The following CEP97 variants were observed in gnomAD, a reference collection of about 807,000 sequenced individuals.
CEP97 encodes the protein centrosomal protein 97.
In CEP97, 43 loss-of-function variants were observed where a neutral mutation model predicts 73.1. That is an observed-to-expected ratio of 0.59 (90% CI 0.46 to 0.76). The LOEUF (loss-of-function observed/expected upper bound fraction) is 0.76, where lower values mean the gene tolerates loss of function less well. Ranked by LOEUF, CEP97 falls within the 30% of genes least tolerant of loss-of-function variation. The probability of loss-of-function intolerance (pLI) is 0.00; values close to 1 mark genes in which losing one functional copy is unlikely to be tolerated. For missense variants in CEP97, 939 were observed against 1,014.0 expected, an observed-to-expected ratio of 0.93 and a Z score of 1.00; for synonymous variants, 337 against 370.0, an observed-to-expected ratio of 0.91 and a Z score of 1.02.
intron 6 of CEP97, 39 bp from the exon 7 acceptor site, chr3:101,755,391 C>G (rs1560018585): frequency 1.3e-6 from 2 of 1,585,860 alleles, no homozygotes; most frequent in Middle Eastern, 1.7e-4. Context: ...GTTGACTATT[C>G]TCATGCCATC....
chr3:101,760,743 G>A (rs556819471), intron 9 of CEP97, among the ~76,000 whole-genome samples: 1 of 152,142 alleles, frequency 6.6e-6, no homozygotes, highest in African/African-American at 2.4e-5. Context: ...TGAAGTCTAT[G>A]TTGCCCATCT....
Position 101,765,278 on chromosome 3 carries a change from T to G in CEP97, c.2325T>G (p.Tyr775Ter). Residue 775 changes from tyrosine (Y) to a stop codon, truncating the protein, a stop_gained, in exon 11 of 11, where the codon TAT (tyrosine) becomes TAG (stop). Transcript: ENST00000341893. LOFTEE classifies it low-confidence loss of function (END_TRUNC). ...NEQDNSLLEQ[Y>*]LTSVQQLEDA... ...AGGACAATAGTCTGCTTGAACAGTA[T>G]TTAACTTCAGTTCAACAGCTGGAAG... The G allele has an allele frequency of 6.2e-7, 1 of 1,614,174 alleles. No individual in the cohort carries two copies. The highest frequency in any genetic ancestry group is 1.1e-5 in the South Asian group (1 of 91,074).
At chr3:101,758,472 T>A in intron 9 of CEP97, 49 bp downstream of exon 9, 1 of 1,590,780 alleles carries the variant, frequency 6.3e-7, no homozygotes, top group Admixed American at 1.7e-5. Flanking sequence ...TTGAGGGTGT[T>A]AGATTCTTAT....
intron 10 of CEP97, chr3:101,763,240 G>GA (rs1266211855): frequency 2.5e-6 from 3 of 1,183,880 alleles, no homozygotes; most frequent in South Asian, 3.1e-5. Context: ...CCTATAAAAT[G>GA]AAAAAATAAT....
At chr3:101,755,143 T>C (rs964712938) in intron 6 of CEP97, among the ~76,000 whole-genome samples, 1 of 152,104 alleles carries the variant, frequency 6.6e-6, no homozygotes, top group African/African-American at 2.4e-5. Context: ...ACAGAATGAA[T>C]GGGGAGAATA....
rs1939315401 is a variant in CEP97, at chr3:101,766,247, A to G, written c.*696A>G. On this transcript the variant is annotated 3_prime_UTR_variant, in exon 11 of 11. Transcript: ENST00000341893. ...GGATTAAAGTCAAGTTTACTTAGGC[A>G]ACACAAGAATATTTCACTTAGATAT... The G allele has an allele frequency of 6.6e-6, 1 of 152,262 alleles. No homozygotes were observed. The highest frequency in any genetic ancestry group is 6.5e-5 in the Admixed American group (1 of 15,288). The allele number at this position is 152,262 out of a possible 1,614,324, so 9.4% of individuals were successfully genotyped here.
chr3:101,724,823 C>A (rs1164763676), intron 1 of CEP97, 104 bp downstream of exon 1: 78 of 1,210,452 alleles, frequency 6.4e-5, no homozygotes, highest in Non-Finnish European at 8.4e-6. Flanking sequence ...TGGACCAGTT[C>A]TTTTGATGCG....
intron 8 of CEP97, 44 bp from the exon 9 acceptor site, chr3:101,757,590 G>T (rs763592670): frequency 6.5e-7 from 1 of 1,528,552 alleles, no homozygotes; most frequent in East Asian, 2.3e-5. Flanking sequence ...TAACTAAAAT[G>T]TAAACATTTA....
In CEP97 at chr3:101,766,098, G is replaced by A. The variant is rs1308345436; in HGVS notation, c.*547G>A. ...GGAGTCAAGGAAAGCCTTTCTATAAGCAAATTAAGGAAGAAAAGGTAGGAT... is the reference window on the plus strand; with the variant it reads ...GGAGTCAAGGAAAGCCTTTCTATAAACAAATTAAGGAAGAAAAGGTAGGAT... On this transcript the variant is annotated 3_prime_UTR_variant, in exon 11 of 11. Transcript: ENST00000341893. 2 of 152,090 alleles carry A rather than the reference G, an allele frequency of 1.3e-5. No homozygotes were observed. Among genetic ancestry groups the A allele is most frequent in the Non-Finnish European group, 2.9e-5 (2 of 68,030 alleles). The allele number at this position is 152,090 out of a possible 1,614,324, so 9.4% of individuals were successfully genotyped here. A position where few individuals can be genotyped will look rare whatever the true frequency, so the allele number is the denominator to read the frequency against.
intron 9 of CEP97, chr3:101,758,758 TGAAGTCTACATG>T (rs890129798): frequency 3.9e-5 from 9 of 232,516 alleles, no homozygotes; most frequent in East Asian, 2.9e-4. Context: ...GAGAAGATGA[TGAAGTCTACATG>T]GAATTCAGTA....
At chr3:101,724,782 A>G (rs1022918710) in intron 1 of CEP97, 63 bp downstream of exon 1, 2 of 1,547,878 alleles carry the variant, frequency 1.3e-6, no homozygotes, top group Non-Finnish European at 1.8e-6. Context: ...AATAGTGGAG[A>G]GCAGAAAACC....
At position 101,770,168 on chromosome 3, in the gene CEP97, G is replaced by C. The variant is rs1939424663; in HGVS notation, c.*4617G>C. On this transcript the variant is annotated 3_prime_UTR_variant, in exon 11 of 11. Transcript: ENST00000341893. Reference sequence around the variant, plus strand: ...TCCTCCCGAGTAGCTAAGACTACAGGCACACGCCACCATGCCCAGCTAATT... The same window carrying C: ...TCCTCCCGAGTAGCTAAGACTACAGCCACACGCCACCATGCCCAGCTAATT... The C allele has an allele frequency of 6.6e-6, 1 of 152,108 alleles. No individual in the cohort carries two copies. The highest frequency in any genetic ancestry group is 2.4e-5 in the African/African-American group (1 of 41,370). 9.4% of individuals were successfully genotyped at this position (152,108 alleles called of 1,614,324 possible).
chr3:101,757,529 A>AT (rs1401472678), intron 8 of CEP97, 105 bp from the exon 9 acceptor site: 6 of 1,078,096 alleles, frequency 5.6e-6, no homozygotes, highest in East Asian at 2.5e-5. Flanking sequence ...CACTGAGGGG[A>AT]TTTTTTTGCA....
intron 6 of CEP97, among the ~76,000 whole-genome samples, chr3:101,740,747 G>A (rs977259463): frequency 2.0e-4 from 30 of 152,034 alleles, no homozygotes; most frequent in African/African-American, 6.5e-4. Context: ...GCGCCACCAC[G>A]CCTGGCTAAT....
chr3:101,730,041 C>G (rs1938043571), intron 4 of CEP97, among the ~76,000 whole-genome samples: 1 of 151,956 alleles, frequency 6.6e-6, no homozygotes, highest in Non-Finnish European at 1.5e-5. Flanking sequence ...CCTGACCTCA[C>G]ATGATCCTCC....
In CEP97 at chr3:101,765,481, C is replaced by G; in HGVS notation, c.2528C>G (p.Ala843Gly). The change falls in exon 11 of 11, where the codon GCA becomes GGA. Residue 843 changes from alanine (A) to glycine (G), a missense_variant. Transcript: ENST00000341893. ...SQTQENSKLNAEVQGQQPECD... is the reference protein window; with the variant it reads ...SQTQENSKLNGEVQGQQPECD... The stretch of plus-strand genomic sequence containing the variant: ...ACACAAGAGAATTCTAAATTAAATG[C>G]AGAAGTTCAGGGGCAGCAGCCAGAA... 1 of 1,614,114 alleles carries G rather than the reference C, an allele frequency of 6.2e-7. No homozygotes were observed. The highest frequency in any genetic ancestry group is 1.1e-5 in the South Asian group (1 of 91,076).
rs1293647899 is a variant in CEP97, at chr3:101,764,931, C to T, written c.1978C>T (p.Leu660Phe). The change falls in exon 11 of 11, where the codon CTT becomes TTT. Residue 660 changes from leucine (L) to phenylalanine (F), a missense_variant. Coordinates refer to ENST00000341893, the MANE Select transcript of CEP97 (RefSeq NM_024548.4). ...TGATGTTCCTCCTATATCAAGTACTCTTGTGCCATCGAAACATCCATTATT... is the reference window on the plus strand; with the variant it reads ...TGATGTTCCTCCTATATCAAGTACTTTTGTGCCATCGAAACATCCATTATT... ...HTDVPPISST[L>F]VPSKHPLFTQ... 1.9e-6 allele frequency: 3 copies of T among 1,614,084 alleles called. No homozygotes were observed. The highest frequency in any genetic ancestry group is 2.5e-6 in the Non-Finnish European group (3 of 1,180,052).
intron 10 of CEP97, 49 bp downstream of exon 10, chr3:101,762,609 C>A: frequency 7.3e-7 from 1 of 1,369,726 alleles, no homozygotes; most frequent in Non-Finnish European, 1.0e-6. Flanking sequence ...AATACAGATT[C>A]TATATTCATT....
chr3:101,738,660 G>T (rs1473982912), intron 6 of CEP97, among the ~76,000 whole-genome samples: 4 of 152,152 alleles, frequency 2.6e-5, no homozygotes, highest in Non-Finnish European at 4.4e-5. Flanking sequence ...CAACATCCCA[G>T]AATCTCTGGT....
Sources: allele counts gnomAD v4.1 joint callset (sites outside exome capture counted in the v4.1 genomes callset), GRCh38; gene constraint gnomAD v4.1.1; transcripts MANE v1.5; gene names NCBI Gene and HGNC (gene_info 2026-07-23, HGNC 2026-07-21).